PAG1: variants seen among roughly 807,000 people sequenced by gnomAD.
PAG1 encodes the protein phosphoprotein associated with glycosphingolipid-enriched microdomains 1.
Under a neutral mutation model 31.7 loss-of-function variants are expected in PAG1, and 23 were observed. The observed-to-expected ratio is 0.73, with a 90% CI of 0.52 to 1.03. The LOEUF (loss-of-function observed/expected upper bound fraction) is 1.03. Ranked by LOEUF, PAG1 falls within the 50% of genes least tolerant of loss-of-function variation. PAG1 has a pLI of 0.00. For missense variants in PAG1, 473 were observed against 540.7 expected (o/e 0.87, Z 1.24); for synonymous variants, 214 against 210.3 (o/e 1.02, Z -0.15).
intron 1 of PAG1, among the ~76,000 whole-genome samples, chr8:81,075,410 C>A (rs776686466): frequency 6.6e-6 from 1 of 152,214 alleles, no homozygotes; most frequent in African/African-American, 2.4e-5. Context: ...ATGAGTGTGA[C>A]ATTTTCATGA....
Position 80,972,292 on chromosome 8 carries a change from T to C in PAG1, c.*4252A>G, listed in dbSNP as rs1807093269. The C allele has an allele frequency of 6.6e-6, 1 of 152,124 alleles. No individual in the cohort carries two copies. The allele number at this position is 152,124 out of a possible 1,614,324, so 9.4% of individuals were successfully genotyped here. ...AATCAACACCTTCAGGAGAATGGCA[T>C]CACAAGATTGCATGGACTCATATTA... On this transcript the variant is annotated 3_prime_UTR_variant, in exon 9 of 9. Coordinates refer to ENST00000220597, the MANE Select transcript of PAG1 (RefSeq NM_018440.4).
Position 80,973,503 on chromosome 8 carries a change from A to G in PAG1, c.*3041T>C, listed in dbSNP as rs1807119260. Reference sequence around the variant, plus strand: ...ATATCTGAATAAAAACAAAGATCCTACTTTTAACTGAGATAGATTTATAAT... The same window carrying G: ...ATATCTGAATAAAAACAAAGATCCTGCTTTTAACTGAGATAGATTTATAAT... On this transcript the variant is annotated 3_prime_UTR_variant, in exon 9 of 9. Transcript: ENST00000220597. 6.6e-6 allele frequency: 1 copy of G among 152,198 alleles called. No homozygotes were observed. The highest frequency in any genetic ancestry group is 2.4e-5 in the African/African-American group (1 of 41,464). The allele number at this position is 152,198 out of a possible 1,614,324, so 9.4% of individuals were successfully genotyped here. A position where few individuals can be genotyped will look rare whatever the true frequency, so the allele number is the denominator to read the frequency against.
At chr8:81,004,248 C>T (rs1416620519) in intron 3 of PAG1, among the ~76,000 whole-genome samples, 1 of 152,072 alleles carries the variant, frequency 6.6e-6, no homozygotes, top group African/African-American at 2.4e-5. Flanking sequence ...ACACAAAAAG[C>T]AAGTTGGAAA....
chr8:81,028,204 A>C (rs6981109), intron 3 of PAG1, among the ~76,000 whole-genome samples: 1 of 152,078 alleles, frequency 6.6e-6, no homozygotes, highest in Non-Finnish European at 1.5e-5. Context: ...CCTCAGTCAC[A>C]GCCAGCTCAG....
At chr8:81,005,305 T>C (rs761203566) in intron 3 of PAG1, among the ~76,000 whole-genome samples, 1 of 152,186 alleles carries the variant, frequency 6.6e-6, no homozygotes, top group Non-Finnish European at 1.5e-5. Flanking sequence ...TATATGTATG[T>C]ATGTATGTAT....
intron 2 of PAG1, among the ~76,000 whole-genome samples, chr8:81,035,896 A>C (rs1208034005): frequency 1.3e-5 from 2 of 151,300 alleles, no homozygotes; most frequent in Non-Finnish European, 3.0e-5. Context: ...TATATGTATT[A>C]ACATATATAT....
intron 3 of PAG1, among the ~76,000 whole-genome samples, chr8:81,007,383 G>A (rs1023604978): frequency 6.6e-6 from 1 of 151,764 alleles, no homozygotes. Context: ...GGAGGCTGAG[G>A]TGTGTGGATT....
At chr8:81,069,211 T>G (rs1364785698) in intron 2 of PAG1, among the ~76,000 whole-genome samples, 1 of 152,232 alleles carries the variant, frequency 6.6e-6, no homozygotes, top group Non-Finnish European at 1.5e-5. Context: ...AGGGTTACTC[T>G]GGCAAGAGAA....
chr8:81,036,724 T>C (rs937328294), intron 2 of PAG1, among the ~76,000 whole-genome samples: 1 of 152,220 alleles, frequency 6.6e-6, no homozygotes, highest in Non-Finnish European at 1.5e-5. Context: ...AGCTCCCTCA[T>C]GTTTCCTGGG....
At chr8:81,094,739 A>T (rs1376976174) in intron 1 of PAG1, among the ~76,000 whole-genome samples, 1 of 152,232 alleles carries the variant, frequency 6.6e-6, no homozygotes, top group Non-Finnish European at 1.5e-5. Context: ...CCAAGATGGG[A>T]TATATTGAGT....
chr8:81,100,064 A>G (rs1809586001), intron 1 of PAG1, among the ~76,000 whole-genome samples: 1 of 152,266 alleles, frequency 6.6e-6, no homozygotes. Flanking sequence ...GACTGATATT[A>G]CATTTAGTCA....
rs1807598734 is a variant in PAG1, at chr8:80,993,320, C to T, written c.-80-13G>A. ...AGAGAGCTGTGTCCTGCAAAGAGAC[C>T]AGTGCGTTTGGAGAGTAATTCTCGG... On this transcript the variant is annotated splice_polypyrimidine_tract_variant and intron_variant, in intron 3 of 8. Coordinates refer to ENST00000220597, the MANE Select transcript of PAG1 (RefSeq NM_018440.4). The T allele has an allele frequency of 8.4e-6, 11 of 1,306,824 alleles. No individual in the cohort carries two copies. The highest frequency in any genetic ancestry group is 2.1e-5 in the Admixed American group (1 of 47,816). The allele number at this position is 1,306,824 out of a possible 1,614,324, so 81.0% of individuals were successfully genotyped here.
intron 3 of PAG1, among the ~76,000 whole-genome samples, chr8:81,008,097 T>G (rs1006230059): frequency 2.0e-5 from 3 of 152,238 alleles, no homozygotes; most frequent in Non-Finnish European, 4.4e-5. Context: ...TAATATAAGC[T>G]ATGTGGTTTC....
chr8:81,093,558 T>G (rs148891265), intron 1 of PAG1, among the ~76,000 whole-genome samples: 364 of 152,190 alleles, frequency 2.4e-3, no homozygotes, highest in African/African-American at 8.1e-3. Context: ...GACACAAATG[T>G]AGGCACAGAC....
intron 7 of PAG1, among the ~76,000 whole-genome samples, chr8:80,984,268 T>C (rs1372026402): frequency 6.6e-6 from 1 of 152,176 alleles, no homozygotes; most frequent in Non-Finnish European, 1.5e-5. Flanking sequence ...GGCTATAGTT[T>C]AGAAAGGGTC....
In PAG1 at chr8:81,041,421, G is replaced by A. The variant is rs116463042; in HGVS notation, c.-174-11332C>T. Among the ~76,000 whole-genome samples the A allele has an allele frequency of 5.7e-3, 871 of 152,326 alleles. 6 individuals are homozygous for A. The highest frequency in any genetic ancestry group is 0.02 in the African/African-American group (812 of 41,570). On this transcript the variant is annotated intron_variant, in intron 2 of 8. Coordinates refer to ENST00000220597, the MANE Select transcript of PAG1 (RefSeq NM_018440.4). Reference sequence around the variant, plus strand: ...TGAAAGAGATGCTGGAAGGAGAGAAGATGTCAGCCCAGATTATGGTCCCAG... The same window carrying A: ...TGAAAGAGATGCTGGAAGGAGAGAAAATGTCAGCCCAGATTATGGTCCCAG...
At chr8:81,054,918 C>A (rs28692796) in intron 2 of PAG1, among the ~76,000 whole-genome samples, 20,382 of 151,622 alleles carry the variant, frequency 0.13, 2,576 homozygotes, top group African/African-American at 0.33. Flanking sequence ...AAGGGGGAAA[C>A]TTTTATCACT....
chr8:81,011,828 T>A (rs1807989744), intron 3 of PAG1, among the ~76,000 whole-genome samples: 1 of 152,266 alleles, frequency 6.6e-6, no homozygotes, highest in Non-Finnish European at 1.5e-5. Flanking sequence ...TGTGCTTTGC[T>A]GACCTCTGGC....
At chr8:81,057,978 G>C (rs1204658054) in intron 2 of PAG1, among the ~76,000 whole-genome samples, 1 of 152,032 alleles carries the variant, frequency 6.6e-6, no homozygotes, top group Non-Finnish European at 1.5e-5. Context: ...TAGCAGAAGG[G>C]AGTATTTACT....
Sources: gnomAD v4.1 joint callset for allele counts (sites outside exome capture counted in the v4.1 genomes callset) on GRCh38, gnomAD v4.1.1 for gene constraint, MANE v1.5 for transcripts, NCBI Gene and HGNC (gene_info 2026-07-23, HGNC 2026-07-21) for gene names.